Variants in SWI5 observed in about 807,000 individuals in gnomAD.
SWI5 encodes the protein SWI5 homologous recombination repair protein.
A neutral mutation model predicts 17.0 loss-of-function variants in SWI5; 12 were observed. That is an observed-to-expected ratio of 0.71 (90% CI 0.45 to 1.14). The LOEUF (loss-of-function observed/expected upper bound fraction) is 1.14. SWI5 is among the 50% of genes most tolerant of loss of function. The pLI is 0.00. For missense variants in SWI5, 158 were observed against 162.2 expected (o/e 0.97, Z 0.14); for synonymous variants, 61 against 64.0 (o/e 0.95, Z 0.22).
intron 1 of SWI5, 115 bp downstream of exon 1, chr9:128,276,517 C>T (rs1296755098): frequency 1.3e-6 from 2 of 1,569,612 alleles, no homozygotes; most frequent in South Asian, 1.2e-5. Context: ...CAGACAACCC[C>T]CGTCTCAGAA....
intron 2 of SWI5, among the ~76,000 whole-genome samples, chr9:128,283,459 T>C (rs1277254356): frequency 3.3e-5 from 5 of 152,098 alleles, no homozygotes; most frequent in Admixed American, 1.3e-4. Context: ...ATCATGCCAC[T>C]GCGCTCCAGC....
chr9:128,275,978 A>T, upstream of SWI5: 1 of 1,598,306 alleles, frequency 6.3e-7, no homozygotes. Context: ...GGGCCACATC[A>T]GCGCGATCCC....
chr9:128,285,927 C>T lies in SWI5; in HGVS notation c.234-12C>T, dbSNP rs758163296. 8.1e-6 allele frequency: 13 copies of T among 1,599,542 alleles called. No homozygotes were observed. The highest frequency in any genetic ancestry group is 2.2e-5 in the South Asian group (2 of 90,774). On this transcript the variant is annotated splice_polypyrimidine_tract_variant and intron_variant, in intron 3 of 4. Transcript: ENST00000418976. The surrounding 1 kb of genome is among the most constrained non-coding windows in gnomAD (Gnocchi z 4.8). ...GGGCTGTCTTTCCCCCTCTCTCCAT[C>T]GCTTATCCCAGAGGCTACAGTGTGG... is the stretch of plus-strand genomic sequence containing the variant.
chr9:128,281,812 T>G (rs1433466025), intron 2 of SWI5, among the ~76,000 whole-genome samples: 1 of 150,750 alleles, frequency 6.6e-6, no homozygotes, highest in African/African-American at 2.4e-5. Context: ...CGGTGGCTCA[T>G]GTTTGCAGTC....
chr9:128,288,611 C>T (rs748332642), intron 4 of SWI5, 41 bp from the exon 5 acceptor site: 3 of 1,610,634 alleles, frequency 1.9e-6, no homozygotes, highest in Non-Finnish European at 2.5e-6. Flanking sequence ...TCCCTCCCAC[C>T]TCTCCCCACT....
chr9:128,277,379 C>T (rs1831432543), intron 2 of SWI5, among the ~76,000 whole-genome samples: 1 of 152,094 alleles, frequency 6.6e-6, no homozygotes, highest in Non-Finnish European at 1.5e-5. Flanking sequence ...TGATGAAACC[C>T]TGTCTCTACT....
upstream of SWI5, chr9:128,276,065 T>C (rs2131407396): frequency 7.0e-6 from 11 of 1,578,226 alleles, no homozygotes; most frequent in South Asian, 2.3e-5. Context: ...AGGGCGATAC[T>C]GGAGCGCAGA....
intron 2 of SWI5, chr9:128,278,768 G>GT (rs1356309152): frequency 6.6e-5 from 28 of 424,488 alleles, no homozygotes; most frequent in Middle Eastern, 3.5e-4. Context: ...GTTGTTTTTG[G>GT]TTTTTTTTGT....
upstream of SWI5, chr9:128,275,906 G>A (rs1277178810): frequency 5.1e-6 from 8 of 1,575,642 alleles, no homozygotes; most frequent in East Asian, 1.2e-4. Flanking sequence ...TTTCTTCGCT[G>A]CGGCCAATTT....
At position 128,284,643 on chromosome 9, in the gene SWI5, T is replaced by C; in HGVS notation, c.233+12T>C. The C allele has an allele frequency of 2.5e-6, 4 of 1,612,544 alleles. No individual in the cohort carries two copies. The highest frequency in any genetic ancestry group is 2.5e-6 in the Non-Finnish European group (3 of 1,179,082). ...CAGTTCGTATCTGAGTAAGTTTCAT[T>C]GGGTTCCCCATCATGGTTAAGATAA... On this transcript the variant is annotated intron_variant, in intron 3 of 4. Transcript: ENST00000418976.
chr9:128,288,881 G>T (rs868622356), exon 5 of SWI5: 9 of 698,652 alleles, frequency 1.3e-5, no homozygotes, highest in Non-Finnish European at 2.2e-5. Flanking sequence ...GAGAAGAGGC[G>T]GGCAGGGAGG....
chr9:128,276,249 G>A lies in SWI5; in HGVS notation c.-92G>A, dbSNP rs755880349. 15 of 1,612,562 alleles carry A rather than the reference G, an allele frequency of 9.3e-6. No homozygotes were observed. In the East Asian group the frequency reaches 1.8e-4, roughly 19 times the overall value. ...GAGAGGGGCGGGGCCGGCTTTCCTT[G>A]GGTGCGCGCGCAGCTTTCTGTGCGC... On this transcript the variant is annotated 5_prime_UTR_variant, in exon 1 of 5. Coordinates refer to ENST00000418976, the Ensembl canonical transcript of SWI5.
chr9:128,275,825 TG>T, upstream of SWI5: 1 of 824,962 alleles, frequency 1.2e-6, no homozygotes, highest in South Asian at 1.6e-5. Flanking sequence ...GCAGAGACTC[TG>T]GCCATGGTCC....
chr9:128,285,921 C>G lies in SWI5; in HGVS notation c.234-18C>G. The G allele has an allele frequency of 1.3e-6, 2 of 1,589,170 alleles. No individual in the cohort carries two copies. Among genetic ancestry groups the G allele is most frequent in the African/African-American group, 1.3e-5 (1 of 74,492 alleles). ...TTAACTGGGCTGTCTTTCCCCCTCTCTCCATCGCTTATCCCAGAGGCTACA... is the reference window on the plus strand; with the variant it reads ...TTAACTGGGCTGTCTTTCCCCCTCTGTCCATCGCTTATCCCAGAGGCTACA... On this transcript the variant is annotated intron_variant, in intron 3 of 4. Transcript: ENST00000418976. The surrounding 1 kb of genome is among the most constrained non-coding windows in gnomAD (Gnocchi z 4.8).
In SWI5 at chr9:128,278,658, A is replaced by G. The variant is rs1388907797; in HGVS notation, c.111+1903A>G. 1.1e-5 allele frequency: 5 copies of G among 471,696 alleles called. No individual in the cohort carries two copies. The East Asian group carries it at 2.8e-4, about 26-fold the overall frequency. The allele number at this position is 471,696 out of a possible 1,614,324, so 29.2% of individuals were successfully genotyped here. On this transcript the variant is annotated intron_variant, in intron 2 of 4. Transcript: ENST00000418976. Reference sequence around the variant, plus strand: ...GTTCCTTCCAGCAACCTTTGAGAAGACGCTTTACTGTCCCCATGTTGAGGT... The same window carrying G: ...GTTCCTTCCAGCAACCTTTGAGAAGGCGCTTTACTGTCCCCATGTTGAGGT...
chr9:128,276,092 A>G (rs1831347222), upstream of SWI5: 6 of 1,570,704 alleles, frequency 3.8e-6, no homozygotes, highest in African/African-American at 4.1e-5. Flanking sequence ...GCGTGGCCTC[A>G]AAGATCAAAG....
chr9:128,275,719 G>A (rs1181491194), upstream of SWI5, among the ~76,000 whole-genome samples: 5 of 152,150 alleles, frequency 3.3e-5, no homozygotes, highest in Non-Finnish European at 7.4e-5. Context: ...GAGGGCGGGG[G>A]CTGGGCGGCT....
rs1242302890 is a variant in SWI5 at position 128,285,393 on chromosome 9, CT to C, written c.234-545del. Among the ~76,000 whole-genome samples, 1 of 152,188 alleles carries C rather than the reference CT, an allele frequency of 6.6e-6. No individual in the cohort carries two copies. Among genetic ancestry groups the C allele is most frequent in the Non-Finnish European group, 1.5e-5 (1 of 68,042 alleles). On this transcript the variant is annotated intron_variant, in intron 3 of 4. Transcript: ENST00000418976. The surrounding 1 kb of genome is among the most constrained non-coding windows in gnomAD (Gnocchi z 4.8). ...GGAGATGCTCAGGCTGTGGGAGGGC[CT>C]GAACTAGGACTGGAAAGCTATCTGG...
intron 2 of SWI5, among the ~76,000 whole-genome samples, chr9:128,279,192 C>T (rs1036225315): frequency 6.6e-6 from 1 of 152,198 alleles, no homozygotes; most frequent in African/African-American, 2.4e-5. Flanking sequence ...TTGCTTCCTG[C>T]CACTCCTGAG....
Sources: allele counts gnomAD v4.1 joint callset (sites outside exome capture counted in the v4.1 genomes callset), GRCh38; gene constraint gnomAD v4.1.1; non-coding constraint Gnocchi (gnomAD v3.1); transcripts MANE v1.5; gene names NCBI Gene and HGNC (gene_info 2026-07-23, HGNC 2026-07-21).